PHF8: variants seen among roughly 807,000 people sequenced by gnomAD.
PHF8 encodes the protein histone lysine demethylase PHF8.
A neutral mutation model predicts 74.4 loss-of-function variants in PHF8; 9 were observed. The ratio of observed to expected loss-of-function variants is 0.12; its 90% CI spans 0.07 to 0.21. The LOEUF is 0.21. PHF8 is among the 10% of genes least tolerant of loss of function. The pLI, the probability that PHF8 is intolerant of heterozygous loss-of-function variation, is 1.00. For missense variants in PHF8, 478 were observed against 816.6 expected (o/e 0.59, Z 5.05); for synonymous variants, 311 against 316.6 (o/e 0.98, Z 0.19).
intron 18 of PHF8, among the ~76,000 whole-genome samples, chrX:53,970,646 G>A (rs1557094292): frequency 9.0e-6 from 1 of 111,375 alleles, no homozygotes; most frequent in South Asian, 3.8e-4. Flanking sequence ...AAGGGATGGA[G>A]GGAAATTTAC....
At chrX:54,045,868 T>C (rs1045646855), upstream of PHF8, among the ~76,000 whole-genome samples, 4 of 111,398 alleles carry the variant, frequency 3.6e-5, no homozygotes, top group South Asian at 3.7e-4. Flanking sequence ...TGTATGCAGT[T>C]AGCAAAAAGA....
chrX:54,011,288 A>T lies in PHF8; in HGVS notation c.784-4T>A. The T allele has an allele frequency of 1.7e-6, 2 of 1,206,531 alleles. No homozygotes were observed. The highest frequency in any genetic ancestry group is 2.2e-6 in the Non-Finnish European group (2 of 890,713). On this transcript the variant is annotated splice_region_variant and splice_polypyrimidine_tract_variant and intron_variant, in intron 7 of 21. Transcript: ENST00000338154. ...TCAGGTAGAAGATCTTTTCACCCTG[A>T]AACAAAAAGAGGTTGAAGTGACAAA... is the stretch of plus-strand genomic sequence containing the variant.
chrX:53,977,806 C>A (rs1243000850), intron 18 of PHF8, among the ~76,000 whole-genome samples: 3 of 108,447 alleles, frequency 2.8e-5, no homozygotes, highest in African/African-American at 1.0e-4. Context: ...GACACCACGC[C>A]CGGCTAATTT....
At chrX:54,041,761 C>T (rs1343289594) in intron 2 of PHF8, among the ~76,000 whole-genome samples, 1 of 112,448 alleles carries the variant, frequency 8.9e-6, no homozygotes, top group Non-Finnish European at 1.9e-5. Flanking sequence ...AAATAAAATA[C>T]TCTTCCATTT....
At chrX:54,041,388 T>TAAAAAA (rs370388675) in intron 2 of PHF8, among the ~76,000 whole-genome samples, 2 of 43,490 alleles carry the variant, frequency 4.6e-5, no homozygotes, top group Non-Finnish European at 4.7e-5. Flanking sequence ...TTGTCTCAAA[T>TAAAAAA]AAAAAAAAAA....
chrX:53,940,404 G>C lies in PHF8; in HGVS notation c.2762C>G (p.Thr921Ser). ...SNLSLTVPAP[T>S]VAATPQLVTS... ...GACAAGTTGTGGTGTGGCAGCCACA[G>C]TGGGGGCTGGTACTGTCAGACTGAG... is the stretch of plus-strand genomic sequence containing the variant. The change falls in exon 21 of 22, where the codon ACT (threonine) becomes AGT (serine). Residue 921 changes from threonine to serine, a missense_variant. Thr to Ser is a moderately conservative substitution (Grantham distance 58, BLOSUM62 1). Around this residue, in one of 9 missense-constraint regions of PHF8, gnomAD observed 75 missense variants for 93.3 expected, o/e 0.80. Coordinates refer to ENST00000338154, the MANE Select transcript of PHF8 (RefSeq NM_015107.3). 8.3e-7 allele frequency: 1 copy of C among 1,205,147 alleles called. No homozygotes were observed. Among genetic ancestry groups the C allele is most frequent in the Non-Finnish European group, 1.1e-6 (1 of 889,871 alleles).
In PHF8 at chrX:53,987,146, G is replaced by C; in HGVS notation, c.1927C>G (p.Pro643Ala). 1 of 1,191,509 alleles carries C rather than the reference G, an allele frequency of 8.4e-7. No individual in the cohort carries two copies. Among genetic ancestry groups the C allele is most frequent in the Non-Finnish European group, 1.1e-6 (1 of 877,662 alleles). The change falls in exon 16 of 22, where the codon CCC becomes GCC. Residue 643 changes from proline to alanine, a missense_variant. Coordinates refer to ENST00000338154, the MANE Select transcript of PHF8 (RefSeq NM_015107.3). ...GGGTCAGAGCAAGGCTTCGCACGGG[G>C]CAATTTCCGGGGAAATTCTAGAAAA... is the stretch of plus-strand genomic sequence containing the variant. ...IIRPKFPRKL[P>A]RAKPCSDPNR...
intron 2 of PHF8, among the ~76,000 whole-genome samples, chrX:54,023,841 CAAA>C (rs782579990): frequency 2.6e-5 from 1 of 39,194 alleles, no homozygotes; most frequent in Non-Finnish European, 4.9e-5. Flanking sequence ...ACCCTGTCTC[CAAA>C]AAAAAAAAAA....
At chrX:53,990,225 C>A (rs1557100980) in intron 14 of PHF8, among the ~76,000 whole-genome samples, 1 of 111,681 alleles carries the variant, frequency 9.0e-6, no homozygotes, top group Non-Finnish European at 1.9e-5. Context: ...TTCTCATATA[C>A]CTATCACTCA....
intron 14 of PHF8, among the ~76,000 whole-genome samples, chrX:53,990,580 C>T (rs2065643045): frequency 9.0e-6 from 1 of 111,704 alleles, no homozygotes; most frequent in African/African-American, 3.3e-5. Flanking sequence ...TCTAATCTTA[C>T]ACTTTAGTAA....
intron 2 of PHF8, among the ~76,000 whole-genome samples, chrX:54,041,034 G>C (rs1303471035): frequency 1.8e-5 from 2 of 111,810 alleles, no homozygotes; most frequent in Admixed American, 1.9e-4. Flanking sequence ...TCCCTGCTGA[G>C]GGCAGGATTT....
intron 2 of PHF8, among the ~76,000 whole-genome samples, chrX:54,033,638 A>G (rs2066399348): frequency 9.0e-6 from 1 of 111,613 alleles, no homozygotes; most frequent in African/African-American, 3.3e-5. Context: ...ACTTGAACCC[A>G]GGGAGGCAGA....
chrX:54,006,660 G>A (rs1165641246), intron 8 of PHF8, among the ~76,000 whole-genome samples: 1 of 111,672 alleles, frequency 9.0e-6, no homozygotes, highest in Admixed American at 9.5e-5. Context: ...GACCGGCTGG[G>A]CCCTGTGGCT....
chrX:54,040,446 C>T (rs5960612), intron 2 of PHF8, among the ~76,000 whole-genome samples: 35,164 of 111,148 alleles, frequency 0.32, 7,886 homozygotes, highest in African/African-American at 0.81. Flanking sequence ...CTCTGGCTAA[C>T]GAATGACACA....
chrX:54,040,641 T>C (rs1006927313), intron 2 of PHF8, among the ~76,000 whole-genome samples: 1 of 111,628 alleles, frequency 9.0e-6, no homozygotes, highest in African/African-American at 3.3e-5. Flanking sequence ...AGTATAAAAT[T>C]TTCCCAGAAC....
chrX:54,017,211 C>T (rs915613402), intron 5 of PHF8, among the ~76,000 whole-genome samples: 9 of 112,728 alleles, frequency 8.0e-5, no homozygotes, highest in African/African-American at 1.3e-4. Flanking sequence ...GTTGGGAGGC[C>T]GAGGCAGAAA....
chrX:54,003,761 G>A lies in PHF8; in HGVS notation c.947-1079C>T, dbSNP rs181490654. On this transcript the variant is annotated intron_variant, in intron 8 of 21. Transcript: ENST00000338154. ...AATCGCCTCTGTGGTAAGTTCAGTC[G>A]GCCTACCTTTTCACTTTCATCCACC... Among the ~76,000 whole-genome samples, 4 of 111,841 alleles carry A rather than the reference G, an allele frequency of 3.6e-5. No homozygotes were observed. The East Asian group carries it at 8.4e-4, about 23-fold the overall frequency.
intron 8 of PHF8, among the ~76,000 whole-genome samples, chrX:54,004,277 G>A (rs1347458894): frequency 1.8e-5 from 2 of 111,308 alleles, no homozygotes; most frequent in African/African-American, 6.5e-5. Flanking sequence ...ATGAATAAAT[G>A]CCTGGGAACA....
chrX:53,959,235 A>T (rs111342951), intron 19 of PHF8, among the ~76,000 whole-genome samples: 4,994 of 111,602 alleles, frequency 0.045, 104 homozygotes, highest in Non-Finnish European at 0.065. Context: ...TAAACAAAAA[A>T]TTATGGTTCA....
Sources: allele counts gnomAD v4.1 joint callset (sites outside exome capture counted in the v4.1 genomes callset), GRCh38; gene constraint gnomAD v4.1.1; regional missense constraint gnomAD v4.1.1; transcripts MANE v1.5; gene names NCBI Gene and HGNC (gene_info 2026-07-23, HGNC 2026-07-21).